The following EZR variants were observed in gnomAD, a reference collection of about 807,000 sequenced individuals.
EZR encodes ezrin.
Under a neutral mutation model 74.8 loss-of-function variants are expected in EZR, and 40 were observed. That is an observed-to-expected ratio of 0.53 (90% confidence interval 0.42 to 0.70). EZR has a LOEUF of 0.70. Ranked by LOEUF, EZR falls within the 30% of genes least tolerant of loss-of-function variation. EZR has a pLI of 0.00. For missense variants in EZR, 678 were observed against 755.8 expected (o/e 0.90, Z 1.21); for synonymous variants, 341 against 283.3 (o/e 1.20, Z -2.05).
chr6:158,818,354 C>T (rs1187651998), intron 1 of EZR, 188 bp from the exon 2 acceptor site: 2 of 211,492 alleles, frequency 9.5e-6, no homozygotes, highest in Non-Finnish European at 9.2e-6. Flanking sequence ...CGGGCCGGGC[C>T]CCCGGCGAGG....
intron 2 of EZR, among the ~76,000 whole-genome samples, chr6:158,809,538 C>A (rs1042715458): frequency 4.6e-5 from 7 of 152,206 alleles, no homozygotes; most frequent in Admixed American, 3.9e-4. Flanking sequence ...ATTACCTCAG[C>A]ACCACGATGC....
intron 7 of EZR, among the ~76,000 whole-genome samples, chr6:158,781,922 G>A (rs1791443592): frequency 6.6e-6 from 1 of 151,340 alleles, no homozygotes; most frequent in Admixed American, 6.6e-5. Flanking sequence ...ACCATAGCCA[G>A]CTAATTTTTT....
chr6:158,809,550 TCTC>T (rs1291047920), intron 2 of EZR, among the ~76,000 whole-genome samples: 2 of 152,278 alleles, frequency 1.3e-5, no homozygotes, highest in East Asian at 3.9e-4. Context: ...CCACGATGCC[TCTC>T]CTCAGTAGTT....
chr6:158,795,241 G>T (rs1777042562), intron 2 of EZR, among the ~76,000 whole-genome samples: 1 of 151,944 alleles, frequency 6.6e-6, no homozygotes, highest in African/African-American at 2.4e-5. Flanking sequence ...GACAGGGTGA[G>T]ACTCCATCGC....
Position 158,787,126 on chromosome 6 carries a change from C to G in EZR, c.174G>C (p.Trp58Cys). 1 of 1,613,338 alleles carries G rather than the reference C, an allele frequency of 6.2e-7. No homozygotes were observed. The highest frequency in any genetic ancestry group is 8.5e-7 in the Non-Finnish European group (1 of 1,179,324). Residue 58 changes from tryptophan to cysteine, a missense_variant, in exon 4 of 14, where the codon TGG (tryptophan) becomes TGC (cysteine). By Grantham distance (215) the Trp-to-Cys change is radical (BLOSUM62 -2). Coordinates refer to ENST00000367075, the MANE Select transcript of EZR (RefSeq NM_001111077.2). ...GACTTGCCTTCTTATCCAGCTTCAG[C>G]CAGGTAGGAAATCCTTTATTATCCA... ...HYVDNKGFPT[W>C]LKLDKKVSAQ...
chr6:158,789,171 C>A, intron 3 of EZR, 117 bp downstream of exon 3: 1 of 695,340 alleles, frequency 1.4e-6, no homozygotes. Flanking sequence ...AGATCCTTCT[C>A]ATCTATTACC....
At position 158,769,948 on chromosome 6, in the gene EZR, CAA is replaced by C. The variant is rs745331987; in HGVS notation, c.1091-6_1091-5del. On this transcript the variant is annotated splice_region_variant and splice_polypyrimidine_tract_variant and intron_variant, in intron 10 of 13. Coordinates refer to ENST00000367075, the MANE Select transcript of EZR (RefSeq NM_001111077.2). ...CTCTGAATCTGCTCCGAGAGCTCTGCAAAGACACAAAGCCAGAGCCATTCAAA... is the reference window on the plus strand; with the variant it reads ...CTCTGAATCTGCTCCGAGAGCTCTGCAGACACAAAGCCAGAGCCATTCAAA... The C allele has an allele frequency of 6.8e-6, 11 of 1,608,676 alleles. No homozygotes were observed. In the East Asian group the frequency reaches 2.0e-4, roughly 29 times the overall value.
intron 8 of EZR, 54 bp downstream of exon 8, chr6:158,776,354 A>G (rs1460007950): frequency 9.3e-6 from 13 of 1,402,216 alleles, no homozygotes; most frequent in Admixed American, 1.7e-5. Flanking sequence ...CGTTACCCTG[A>G]CAAGTATAAG....
In EZR at chr6:158,771,427, C is replaced by T; in HGVS notation, c.796-20G>A. ...AAAGTCCTACAAAACAGAACAGGGC[C>T]ACCTGGACTCAAGCTCCTTCGTTTG... On this transcript the variant is annotated intron_variant, in intron 8 of 13. Transcript: ENST00000367075. The T allele has an allele frequency of 6.4e-7, 1 of 1,563,574 alleles. No individual in the cohort carries two copies. The highest frequency in any genetic ancestry group is 8.7e-7 in the Non-Finnish European group (1 of 1,153,472).
In EZR at chr6:158,785,552, G is replaced by A. The variant is rs11550707; in HGVS notation, c.224C>T (p.Pro75Leu). The change falls in exon 5 of 14, where the codon CCC (proline) becomes CTC (leucine). Residue 75 changes from proline (P) to leucine (L), a missense_variant. This residue lies in a region of EZR where 217 missense variants were observed against 232.2 expected (regional missense o/e 0.93). Coordinates refer to ENST00000367075, the MANE Select transcript of EZR (RefSeq NM_001111077.2). ...VSAQEVRKEN[P>L]LQFKFRAKFY... The stretch of plus-strand genomic sequence containing the variant: ...CTTGGCCCGGAACTTGAACTGGAGG[G>A]GATTCTCCTTCCTGACCTCCTGGGC... 15 of 1,613,878 alleles carry A rather than the reference G, an allele frequency of 9.3e-6. No individual in the cohort carries two copies. The highest frequency in any genetic ancestry group is 1.1e-5 in the Non-Finnish European group (13 of 1,179,998).
At chr6:158,804,097 C>T (rs1777276608) in intron 2 of EZR, among the ~76,000 whole-genome samples, 1 of 152,124 alleles carries the variant, frequency 6.6e-6, no homozygotes, top group South Asian at 2.1e-4. Flanking sequence ...TGGCCATTTC[C>T]GACCTGCTGA....
intron 2 of EZR, among the ~76,000 whole-genome samples, chr6:158,817,680 C>A (rs1777588137): frequency 6.6e-6 from 1 of 152,132 alleles, no homozygotes; most frequent in South Asian, 2.1e-4. Flanking sequence ...GGTTTCGGAC[C>A]CTTAGGAGCT....
intron 2 of EZR, among the ~76,000 whole-genome samples, chr6:158,811,930 T>TAAAAGAC (rs1554275584): frequency 6.6e-6 from 1 of 150,682 alleles, no homozygotes; most frequent in East Asian, 1.9e-4. Flanking sequence ...GTGGAAGGAA[T>TAAAAGAC]AAAAGAGGAA....
intron 2 of EZR, among the ~76,000 whole-genome samples, chr6:158,793,587 C>G (rs1791798432): frequency 6.6e-6 from 1 of 152,158 alleles, no homozygotes; most frequent in Non-Finnish European, 1.5e-5. Flanking sequence ...ACTGGGGGTG[C>G]TCTTGTCATT....
At chr6:158,783,019 G>A (rs1049337144) in intron 7 of EZR, among the ~76,000 whole-genome samples, 2 of 152,168 alleles carry the variant, frequency 1.3e-5, no homozygotes, top group Non-Finnish European at 2.9e-5. Flanking sequence ...TAACTAATGC[G>A]AGGCAATTAA....
chr6:158,780,936 T>A (rs140514283), intron 7 of EZR, among the ~76,000 whole-genome samples: 1 of 152,186 alleles, frequency 6.6e-6, no homozygotes. Flanking sequence ...TTAATGCTTA[T>A]GTGTACAATG....
intron 2 of EZR, among the ~76,000 whole-genome samples, chr6:158,807,507 TGC>T (rs1373242315): frequency 1.3e-5 from 2 of 152,150 alleles, no homozygotes; most frequent in Non-Finnish European, 2.9e-5. Context: ...ACCAAACCCT[TGC>T]AAAAACAAGT....
At position 158,776,379 on chromosome 6, in the gene EZR, G is replaced by A. The variant is rs763717755; in HGVS notation, c.795+29C>T. 2.0e-6 allele frequency: 3 copies of A among 1,528,750 alleles called. No homozygotes were observed. In the South Asian group the frequency reaches 3.4e-5, roughly 17 times the overall value. 94.7% of individuals were successfully genotyped at this position (1,528,750 alleles called of 1,614,324 possible). A position where few individuals can be genotyped will look rare whatever the true frequency, so the allele number is the denominator to read the frequency against. On this transcript the variant is annotated intron_variant, in intron 8 of 13. Coordinates refer to ENST00000367075, the MANE Select transcript of EZR (RefSeq NM_001111077.2). ...ACAAGTATAAGAATGAAAAACAGTA[G>A]CCCCTGAATAGAATCCTTTGGAACT... is the stretch of plus-strand genomic sequence containing the variant.
intron 7 of EZR, among the ~76,000 whole-genome samples, chr6:158,779,547 T>C: frequency 6.6e-6 from 1 of 152,258 alleles, no homozygotes; most frequent in East Asian, 1.9e-4. Context: ...TTTAGAATCT[T>C]TTTAAAGTTT....
Sources: allele counts gnomAD v4.1 joint callset (sites outside exome capture counted in the v4.1 genomes callset), GRCh38; gene constraint gnomAD v4.1.1; regional missense constraint gnomAD v4.1.1; transcripts MANE v1.5; gene names NCBI Gene and HGNC (gene_info 2026-07-23, HGNC 2026-07-21).